Variants in AMD1 observed in about 807,000 individuals in gnomAD.
AMD1 encodes S-adenosylmethionine decarboxylase proenzyme.
A neutral mutation model predicts 40.2 loss-of-function variants in AMD1; 11 were observed. The observed-to-expected ratio is 0.27, with a 90% CI of 0.17 to 0.45. The LOEUF is 0.45. AMD1 is among the 20% of genes least tolerant of loss of function. The probability of loss-of-function intolerance (pLI) is 1.00; values close to 1 mark genes in which losing one functional copy is unlikely to be tolerated. For synonymous variants in AMD1, 121 were observed against 130.8 expected, an observed-to-expected ratio of 0.93 and a Z score of 0.51; for missense variants, 257 against 410.2, an observed-to-expected ratio of 0.63 and a Z score of 3.23.
chr6:110,816,298 A>AT, the AMD1 span, among the ~76,000 whole-genome samples: 4 of 152,136 alleles, frequency 2.6e-5, no homozygotes, highest in Non-Finnish European at 5.9e-5. Flanking sequence ...ATTGTAAAGG[A>AT]TTTTTTATGG....
the AMD1 span, among the ~76,000 whole-genome samples, chr6:110,860,304 C>T: frequency 6.6e-6 from 1 of 151,960 alleles, no homozygotes; most frequent in African/African-American, 2.4e-5. Flanking sequence ...GCAGTAAAAC[C>T]TCTGTTGGTA....
At position 110,895,662 on chromosome 6, in the gene AMD1, TACC is replaced by T. The variant is rs1786260156; in HGVS notation, c.*2049_*2051del. On this transcript the variant is annotated 3_prime_UTR_variant, in exon 9 of 9. Coordinates refer to ENST00000368885, the MANE Select transcript of AMD1 (RefSeq NM_001634.6). ...TTAAATCAGTTGAAATGTATTTCTG[TACC>T]ACAATTTACGCTTCAATAAAAGTTT... The T allele has an allele frequency of 6.6e-6, 1 of 152,668 alleles. No individual in the cohort carries two copies. Among genetic ancestry groups the T allele is most frequent in the Non-Finnish European group, 1.5e-5 (1 of 68,036 alleles). 9.5% of individuals were successfully genotyped at this position (152,668 alleles called of 1,614,324 possible).
At chr6:110,831,566 A>G in the AMD1 span, among the ~76,000 whole-genome samples, 1 of 152,008 alleles carries the variant, frequency 6.6e-6, no homozygotes, top group Non-Finnish European at 1.5e-5. Context: ...AAGTGCCGGG[A>G]TTATAGGCAT....
chr6:110,878,763 G>T (rs1785241105), intron 1 of AMD1, among the ~76,000 whole-genome samples: 1 of 152,122 alleles, frequency 6.6e-6, no homozygotes, highest in Non-Finnish European at 1.5e-5. Flanking sequence ...AAATTTTGCT[G>T]AGAAAAGAAT....
At chr6:110,858,170 C>T in the AMD1 span, 2 of 626,386 alleles carry the variant, frequency 3.2e-6, no homozygotes, top group African/African-American at 1.9e-5. Flanking sequence ...TAGAGGAGTG[C>T]GTCCCAGCCC....
chr6:110,870,290 A>G (rs1196041710), upstream of AMD1, among the ~76,000 whole-genome samples: 2 of 152,172 alleles, frequency 1.3e-5, no homozygotes, highest in Non-Finnish European at 2.9e-5. Flanking sequence ...GTTCTCAGAA[A>G]CAGTAGGAAG....
chr6:110,893,185 GAAGT>G (rs1786129011), intron 8 of AMD1, 120 bp downstream of exon 8: 1 of 995,158 alleles, frequency 1.0e-6, no homozygotes, highest in African/African-American at 1.6e-5. Context: ...CAGATATCCA[GAAGT>G]AATATTGTTT....
chr6:110,865,130 A>G, the AMD1 span, among the ~76,000 whole-genome samples: 1 of 152,232 alleles, frequency 6.6e-6, no homozygotes, highest in Non-Finnish European at 1.5e-5. Context: ...AGCTTGTCAA[A>G]TAAGTTCTTC....
At chr6:110,887,371 T>C in intron 1 of AMD1, 134 bp from the exon 2 acceptor site, 1 of 558,422 alleles carries the variant, frequency 1.8e-6, no homozygotes, top group East Asian at 3.0e-5. Flanking sequence ...TAGATTATTT[T>C]GAAAGAAACT....
chr6:110,859,148 G>C, the AMD1 span: 115 of 1,274,534 alleles, frequency 9.0e-5, 1 homozygote, highest in East Asian at 1.4e-3. Flanking sequence ...TGGCTACTGA[G>C]GCTCCCAGCA....
Position 110,890,279 on chromosome 6 carries a change from T to C in AMD1, c.350T>C (p.Phe117Ser). 1 of 1,576,554 alleles carries C rather than the reference T, an allele frequency of 6.3e-7. No individual in the cohort carries two copies. The highest frequency in any genetic ancestry group is 2.0e-4 in the Middle Eastern group (1 of 5,086). ...IQSFFYSRKN[F>S]MKPSHQGYPH... ...AGCTTCTTTTATTCTCGTAAGAATT[T>C]CATGAAGCCTTCTCACCAAGGGTAC... Residue 117 changes from phenylalanine (F) to serine (S), a missense_variant, in exon 4 of 9, where the codon TTC becomes TCC. Transcript: ENST00000368885.
At chr6:110,827,349 C>T in the AMD1 span, among the ~76,000 whole-genome samples, 1 of 150,654 alleles carries the variant, frequency 6.6e-6, no homozygotes, top group Non-Finnish European at 1.5e-5. Context: ...CACTGTGTTG[C>T]CCAAGCTTGT....
At chr6:110,856,975 C>T in the AMD1 span, among the ~76,000 whole-genome samples, 2 of 151,918 alleles carry the variant, frequency 1.3e-5, no homozygotes, top group East Asian at 3.9e-4. Flanking sequence ...ACCAGCCTGG[C>T]CAATATGGAG....
the AMD1 span, among the ~76,000 whole-genome samples, chr6:110,843,647 C>A: frequency 6.6e-6 from 1 of 152,000 alleles, no homozygotes; most frequent in Non-Finnish European, 1.5e-5. Context: ...AGTGCAGTGG[C>A]GCCATCTTGG....
chr6:110,844,266 T>TC, the AMD1 span, among the ~76,000 whole-genome samples: 33 of 92,820 alleles, frequency 3.6e-4, 1 homozygote, highest in Non-Finnish European at 6.9e-4. Flanking sequence ...AATTATAATC[T>TC]TTTTTTTTTT....
chr6:110,891,957 C>A, intron 4 of AMD1: 1 of 618,472 alleles, frequency 1.6e-6, no homozygotes, highest in Non-Finnish European at 2.8e-6. Context: ...TGGCCAGGCT[C>A]GAACTCTTGA....
the AMD1 span, among the ~76,000 whole-genome samples, chr6:110,843,388 G>A: frequency 2.0e-5 from 3 of 147,584 alleles, no homozygotes; most frequent in Non-Finnish European, 4.5e-5. Context: ...CGCTAGAACC[G>A]AGGAGGCAGA....
the AMD1 span, chr6:110,814,879 A>G: frequency 1.4e-5 from 18 of 1,260,438 alleles, no homozygotes; most frequent in Non-Finnish European, 2.0e-5. Flanking sequence ...CGGTGTCCGG[A>G]CGCAACCCCG....
Position 110,886,337 on chromosome 6 carries a change from C to T in AMD1, c.111-1168C>T, listed in dbSNP as rs182831594. Among the ~76,000 whole-genome samples the T allele has an allele frequency of 2.9e-3, 438 of 152,078 alleles. 3 individuals are homozygous for T. The highest frequency in any genetic ancestry group is 4.6e-3 in the Non-Finnish European group (310 of 67,992). ...TTTAAAGACCAGGGTATTACTCTAT[C>T]GCCCAGCCTGGTCTCAAACTCCTGA... is the stretch of plus-strand genomic sequence containing the variant. On this transcript the variant is annotated intron_variant, in intron 1 of 8. Transcript: ENST00000368885.
Sources: gnomAD v4.1 joint callset for allele counts (sites outside exome capture counted in the v4.1 genomes callset) on GRCh38, gnomAD v4.1.1 for gene constraint, MANE v1.5 for transcripts, NCBI Gene and HGNC (gene_info 2026-07-23, HGNC 2026-07-21) for gene names.